The following LARP1 variants were observed in gnomAD, a reference collection of about 807,000 sequenced individuals.
LARP1 encodes la-related protein 1.
A neutral mutation model predicts 122.7 loss-of-function variants in LARP1; 36 were observed. The ratio of observed to expected loss-of-function variants is 0.29; its 90% confidence interval spans 0.22 to 0.39. LARP1 has a LOEUF of 0.39. Ranked by LOEUF, LARP1 falls within the 10% of genes least tolerant of loss-of-function variation. The pLI is 1.00. For synonymous variants in LARP1, 539 were observed against 528.7 expected (o/e 1.02, Z -0.27); for missense variants, 1,040 against 1,403.6 (o/e 0.74, Z 4.14).
intron 1 of LARP1, among the ~76,000 whole-genome samples, chr5:154,773,755 TTGTC>T (rs1755633594): frequency 1.3e-5 from 2 of 152,122 alleles, no homozygotes; most frequent in South Asian, 4.1e-4. Flanking sequence ...TCCACTTGGT[TTGTC>T]TGGGAGTACC....
At chr5:154,707,708 A>G (rs1484938768) in intron 1 of LARP1, among the ~76,000 whole-genome samples, 2 of 152,086 alleles carry the variant, frequency 1.3e-5, no homozygotes, top group Admixed American at 1.3e-4. Context: ...TTATTATTAT[A>G]TTGTAATATG....
chr5:154,733,962 T>G (rs1448004446), intron 1 of LARP1, among the ~76,000 whole-genome samples: 1 of 151,968 alleles, frequency 6.6e-6, no homozygotes, highest in Non-Finnish European at 1.5e-5. Context: ...GTTCGGGAGA[T>G]CGAGACCATC....
intron 1 of LARP1, chr5:154,729,697 G>T: frequency 3.1e-6 from 1 of 318,966 alleles, no homozygotes; most frequent in Admixed American, 4.0e-5. Flanking sequence ...TGGCATAATA[G>T]GTATTTAAAA....
At chr5:154,705,763 G>A (rs996577790) in intron 1 of LARP1, 5 of 152,184 alleles carry the variant, frequency 3.3e-5, no homozygotes, top group African/African-American at 1.2e-4. Flanking sequence ...TGCTAGTGAG[G>A]TTGCAGAGAA....
At position 154,791,354 on chromosome 5, in the gene LARP1, C is replaced by T. The variant is rs368601869; in HGVS notation, c.564+644C>T. ...TCAGCCTCCTGAGTAGCTGGGATTA[C>T]AGGCACCCACCATCATGCCTGGCTA... On this transcript the variant is annotated intron_variant, in intron 3 of 18. Transcript: ENST00000518297. Among the ~76,000 whole-genome samples the T allele has an allele frequency of 5.3e-5, 8 of 152,126 alleles. No homozygotes were observed. The South Asian group carries it at 1.5e-3, about 28-fold the overall frequency.
intron 1 of LARP1, among the ~76,000 whole-genome samples, chr5:154,749,406 A>G (rs1753373158): frequency 6.6e-6 from 1 of 151,900 alleles, no homozygotes; most frequent in African/African-American, 2.4e-5. Flanking sequence ...CTCCTTGACC[A>G]CCCCTCTTCC....
rs949555621 is a variant in LARP1 at position 154,755,739 on chromosome 5, CG to C, written c.-12del. ...CAGCCTCGGGCGCGCCCGGCTTCTC[CG>C]GGGGGGCGGGCGCGCAGATGGCCAC... On this transcript the variant is annotated 5_prime_UTR_variant, in exon 1 of 19. Coordinates refer to ENST00000518297, the MANE Select transcript of LARP1 (RefSeq NM_033551.3). 8.2e-5 allele frequency: 81 copies of C among 987,232 alleles called. No individual in the cohort carries two copies. The highest frequency in any genetic ancestry group is 7.2e-4 in the African/African-American group (41 of 57,254). The allele number at this position is 987,232 out of a possible 1,614,324, so 61.2% of individuals were successfully genotyped here.
intron 1 of LARP1, among the ~76,000 whole-genome samples, chr5:154,704,210 A>G (rs756471106): frequency 2.8e-4 from 43 of 152,226 alleles, no homozygotes; most frequent in Non-Finnish European, 5.0e-4. Context: ...AGCACTGAGA[A>G]GGAAAAGTTC....
At chr5:154,729,560 A>C in intron 1 of LARP1, 1 of 441,086 alleles carries the variant, frequency 2.3e-6, no homozygotes, top group Non-Finnish European at 4.5e-6. Flanking sequence ...AAATGATCAG[A>C]AAAAGAAGAA....
intron 1 of LARP1, among the ~76,000 whole-genome samples, chr5:154,744,987 C>T (rs889034897): frequency 2.0e-5 from 3 of 150,432 alleles, no homozygotes; most frequent in Non-Finnish European, 3.0e-5. Context: ...AGTCCAGTGG[C>T]ACCATCTCTG....
chr5:154,766,148 T>G lies in LARP1; in HGVS notation c.436+9955T>G, dbSNP rs144568431. Among the ~76,000 whole-genome samples the G allele has an allele frequency of 4.1e-3, 629 of 152,254 alleles. 3 individuals are homozygous for G. The highest frequency in any genetic ancestry group is 4.0e-3 in the Non-Finnish European group (270 of 67,998). On this transcript the variant is annotated intron_variant, in intron 1 of 18. Transcript: ENST00000518297. ...TTCAGGGAACTGAGTTCCTTGTGGT[T>G]TTAGTATGGATGATTAGAAAGTAAG...
At chr5:154,726,843 G>A (rs188727603) in intron 1 of LARP1, among the ~76,000 whole-genome samples, 6 of 152,312 alleles carry the variant, frequency 3.9e-5, no homozygotes, top group African/African-American at 1.2e-4. Flanking sequence ...AGTCACCTCC[G>A]TACAGGGCAG....
Position 154,793,637 on chromosome 5 carries a change from C to T in LARP1, c.782C>T (p.Pro261Leu). ...KWVPLQIDMKPEVPREKLASR... is the reference protein window; with the variant it reads ...KWVPLQIDMKLEVPREKLASR... ...GTTCCATTACAAATAGACATGAAGCCTGAAGTGCCCAGAGAGAAACTGGCT... is the reference window on the plus strand; with the variant it reads ...GTTCCATTACAAATAGACATGAAGCTTGAAGTGCCCAGAGAGAAACTGGCT... The change falls in exon 5 of 19, where the codon CCT becomes CTT. Residue 261 changes from proline to leucine, a missense_variant. By Grantham distance (98) the Pro-to-Leu change is moderately conservative. Coordinates refer to ENST00000518297, the MANE Select transcript of LARP1 (RefSeq NM_033551.3). 1 of 1,614,198 alleles carries T rather than the reference C, an allele frequency of 6.2e-7. No individual in the cohort carries two copies. Among genetic ancestry groups the T allele is most frequent in the Middle Eastern group, 1.6e-4 (1 of 6,062 alleles).
At chr5:154,796,748 C>A (rs1309059488) in intron 8 of LARP1, among the ~76,000 whole-genome samples, 1 of 152,172 alleles carries the variant, frequency 6.6e-6, no homozygotes, top group Non-Finnish European at 1.5e-5. Flanking sequence ...AATACCTCTT[C>A]AAGAAGTAAC....
chr5:154,785,212 G>GT (rs1491236225), intron 1 of LARP1, among the ~76,000 whole-genome samples: 1 of 152,230 alleles, frequency 6.6e-6, no homozygotes, highest in African/African-American at 2.4e-5. Flanking sequence ...CAATGTGGTG[G>GT]TGTGGTATCC....
intron 1 of LARP1, among the ~76,000 whole-genome samples, chr5:154,693,977 T>G (rs1034973815): frequency 2.0e-5 from 3 of 152,142 alleles, no homozygotes; most frequent in African/African-American, 7.2e-5. Context: ...ATGAGGCCTA[T>G]AAGAACTAGC....
intron 1 of LARP1, among the ~76,000 whole-genome samples, chr5:154,771,907 T>TA (rs1554085207): frequency 2.0e-5 from 3 of 152,224 alleles, no homozygotes; most frequent in Non-Finnish European, 2.9e-5. Flanking sequence ...GGCTTTGTGT[T>TA]ACCAAAGAGG....
intron 1 of LARP1, among the ~76,000 whole-genome samples, chr5:154,699,486 T>C (rs1439907666): frequency 1.4e-5 from 1 of 72,806 alleles, no homozygotes; most frequent in African/African-American, 7.9e-5. Context: ...AAGACCCCTC[T>C]TTCTACAAAA....
chr5:154,707,438 A>C (rs1755005053), intron 1 of LARP1, among the ~76,000 whole-genome samples: 1 of 152,178 alleles, frequency 6.6e-6, no homozygotes, highest in Non-Finnish European at 1.5e-5. Context: ...GTCTAAGTAC[A>C]TATTGTACAT....
Sources: allele counts gnomAD v4.1 joint callset (sites outside exome capture counted in the v4.1 genomes callset), GRCh38; gene constraint gnomAD v4.1.1; transcripts MANE v1.5; gene names NCBI Gene and HGNC (gene_info 2026-07-23, HGNC 2026-07-21).